MGAT4A: variants seen among roughly 807,000 people sequenced by gnomAD.
MGAT4A encodes the protein alpha-1,3-mannosyl-glycoprotein 4-beta-N-acetylglucosaminyltransferase A, also known as N-acetylglucosaminyltransferase IVa.
In MGAT4A, 33 loss-of-function variants were observed where a neutral mutation model predicts 74.1. The observed-to-expected ratio is 0.45, with a 90% CI of 0.34 to 0.60. The LOEUF (loss-of-function observed/expected upper bound fraction) is 0.60, where lower values mean the gene tolerates loss of function less well. Ranked by LOEUF, MGAT4A falls within the 20% of genes least tolerant of loss-of-function variation. MGAT4A has a pLI of 0.02. For missense variants in MGAT4A, 479 were observed against 628.3 expected, an observed-to-expected ratio of 0.76 and a Z score of 2.54; for synonymous variants, 198 against 210.4, an observed-to-expected ratio of 0.94 and a Z score of 0.51.
intron 8 of MGAT4A, among the ~76,000 whole-genome samples, chr2:98,653,855 A>G (rs1701618142): frequency 6.6e-6 from 1 of 152,222 alleles, no homozygotes; most frequent in African/African-American, 2.4e-5. Flanking sequence ...CACCAAAGCC[A>G]GACAAAGACA....
intron 2 of MGAT4A, among the ~76,000 whole-genome samples, chr2:98,724,143 T>C (rs1702726372): frequency 2.0e-5 from 3 of 152,070 alleles, no homozygotes; most frequent in Admixed American, 2.0e-4. Context: ...TTCTTATTAA[T>C]AGCATATAAT....
rs778592470 is a variant in MGAT4A, at chr2:98,624,288, AG to A, written c.*1277del. ...CGGCCTCCCAAAGTGCTGGGATTAC[AG>A]GCGTGAGCCACAGCGCCTGGTGATA... On this transcript the variant is annotated 3_prime_UTR_variant, in exon 16 of 16. Transcript: ENST00000393487. The A allele has an allele frequency of 8.0e-4, 745 of 934,682 alleles. No homozygotes were observed. The highest frequency in any genetic ancestry group is 1.2e-3 in the Admixed American group (20 of 16,206). The allele number at this position is 934,682 out of a possible 1,614,324, so 57.9% of individuals were successfully genotyped here. A position where few individuals can be genotyped will look rare whatever the true frequency, so the allele number is the denominator to read the frequency against.
chr2:98,674,831 A>G (rs1004528833), intron 4 of MGAT4A, among the ~76,000 whole-genome samples: 1 of 152,222 alleles, frequency 6.6e-6, no homozygotes, highest in African/African-American at 2.4e-5. Context: ...TAGATTTCAC[A>G]TGATCCCTTT....
intron 2 of MGAT4A, among the ~76,000 whole-genome samples, chr2:98,719,885 G>A (rs1472575858): frequency 6.6e-6 from 1 of 152,062 alleles, no homozygotes; most frequent in African/African-American, 2.4e-5. Flanking sequence ...GACCTCAGGC[G>A]ATCCACCTGC....
At chr2:98,643,492 T>C (rs1208569026) in intron 10 of MGAT4A, among the ~76,000 whole-genome samples, 3 of 152,252 alleles carry the variant, frequency 2.0e-5, no homozygotes, top group Non-Finnish European at 4.4e-5. Flanking sequence ...CGTCTCATTG[T>C]TTTGGTATAA....
At chr2:98,674,937 C>T (rs1055621329) in intron 4 of MGAT4A, 98 bp downstream of exon 4, 24 of 1,276,178 alleles carry the variant, frequency 1.9e-5, no homozygotes, top group Non-Finnish European at 2.5e-5. Flanking sequence ...AAAGAACTTT[C>T]ATTTTTTGAC....
chr2:98,728,047 C>T (rs1364475185), intron 1 of MGAT4A, among the ~76,000 whole-genome samples: 1 of 152,204 alleles, frequency 6.6e-6, no homozygotes, highest in Non-Finnish European at 1.5e-5. Flanking sequence ...TCCAGGGATA[C>T]TCCAAGTATC....
At chr2:98,703,474 AT>A (rs912532827) in intron 2 of MGAT4A, among the ~76,000 whole-genome samples, 12 of 152,320 alleles carry the variant, frequency 7.9e-5, no homozygotes, top group African/African-American at 2.9e-4. Context: ...GTAGAAAAAA[AT>A]ATATGAAAAA....
chr2:98,646,051 G>C (rs979766372), intron 8 of MGAT4A, among the ~76,000 whole-genome samples: 16 of 151,904 alleles, frequency 1.1e-4, no homozygotes, highest in Admixed American at 2.0e-4. Flanking sequence ...TATATTATTA[G>C]GATATTATTG....
intron 2 of MGAT4A, among the ~76,000 whole-genome samples, chr2:98,719,180 A>C (rs1360182051): frequency 1.3e-5 from 2 of 152,206 alleles, no homozygotes; most frequent in African/African-American, 4.8e-5. Context: ...GGGGTCAGAA[A>C]AATATCGGAC....
At chr2:98,702,167 G>A (rs1702362802) in intron 2 of MGAT4A, among the ~76,000 whole-genome samples, 1 of 152,182 alleles carries the variant, frequency 6.6e-6, no homozygotes, top group African/African-American at 2.4e-5. Context: ...TTCCTGCCAA[G>A]AGCTGCCCTC....
At chr2:98,673,674 G>A (rs1475463040) in intron 4 of MGAT4A, among the ~76,000 whole-genome samples, 1 of 152,060 alleles carries the variant, frequency 6.6e-6, no homozygotes, top group Non-Finnish European at 1.5e-5. Flanking sequence ...GAAAGAGAAT[G>A]TCACATTTAC....
In MGAT4A at chr2:98,726,452, A is replaced by G; in HGVS notation, c.-120T>C. 1.4e-6 allele frequency: 1 copy of G among 693,586 alleles called. No individual in the cohort carries two copies. The highest frequency in any genetic ancestry group is 2.4e-6 in the Non-Finnish European group (1 of 418,796). 43.0% of individuals were successfully genotyped at this position (693,586 alleles called of 1,614,324 possible). A position where few individuals can be genotyped will look rare whatever the true frequency, so the allele number is the denominator to read the frequency against. On this transcript the variant is annotated 5_prime_UTR_variant, in exon 2 of 16. Transcript: ENST00000393487. Reference sequence around the variant, plus strand: ...TGGCTCTAGGCCAATAAAAATCAATAAGAGAGGTTCATTTCAGATGATCTG... The same window carrying G: ...TGGCTCTAGGCCAATAAAAATCAATGAGAGAGGTTCATTTCAGATGATCTG...
chr2:98,695,211 A>AT (rs1429169270), intron 2 of MGAT4A: 2 of 152,060 alleles, frequency 1.3e-5, no homozygotes, highest in Admixed American at 6.6e-5. Flanking sequence ...AATTTTTTGT[A>AT]TTTTTAGTAG....
intron 2 of MGAT4A, among the ~76,000 whole-genome samples, chr2:98,691,980 TA>T (rs1314530120): frequency 6.6e-6 from 1 of 152,144 alleles, no homozygotes; most frequent in East Asian, 1.9e-4. Context: ...AATATGAATA[TA>T]AAAAACAAAA....
At chr2:98,694,977 T>C (rs1016626594) in intron 2 of MGAT4A, 1 of 153,074 alleles carries the variant, frequency 6.5e-6, no homozygotes, top group Non-Finnish European at 1.5e-5. Flanking sequence ...CTTTTCTATA[T>C]TTTACTGTGA....
chr2:98,626,798 C>G (rs940752729), intron 14 of MGAT4A, among the ~76,000 whole-genome samples: 5 of 152,210 alleles, frequency 3.3e-5, no homozygotes, highest in African/African-American at 1.2e-4. Flanking sequence ...TCCCTATAAT[C>G]AAAACTGACT....
At chr2:98,672,214 A>G (rs1162893256) in intron 4 of MGAT4A, among the ~76,000 whole-genome samples, 2 of 152,218 alleles carry the variant, frequency 1.3e-5, no homozygotes, top group East Asian at 3.8e-4. Flanking sequence ...TAATTAGGCC[A>G]AAAGTCCCTC....
intron 8 of MGAT4A, among the ~76,000 whole-genome samples, chr2:98,652,803 G>A (rs1001798574): frequency 6.6e-6 from 1 of 151,240 alleles, no homozygotes; most frequent in Non-Finnish European, 1.5e-5. Flanking sequence ...TTTTATTAGA[G>A]ACAGGATTTC....
Sources: gnomAD v4.1 joint callset for allele counts (sites outside exome capture counted in the v4.1 genomes callset) on GRCh38, gnomAD v4.1.1 for gene constraint, MANE v1.5 for transcripts, NCBI Gene and HGNC (gene_info 2026-07-23, HGNC 2026-07-21) for gene names.